ARID5B: variants seen among roughly 807,000 people sequenced by gnomAD.
ARID5B encodes the protein AT-rich interaction domain 5B.
ARID5B carries 13 observed loss-of-function variants against 97.2 expected under a neutral mutation model. The ratio of observed to expected loss-of-function variants is 0.13; its 90% CI spans 0.09 to 0.21. The LOEUF (loss-of-function observed/expected upper bound fraction) is 0.21, where lower values mean the gene tolerates loss of function less well. ARID5B is among the 10% of genes least tolerant of loss of function. The pLI, the probability that ARID5B is intolerant of heterozygous loss-of-function variation, is 1.00. For missense variants in ARID5B, 1,210 were observed against 1,465.3 expected, an observed-to-expected ratio of 0.83 and a Z score of 2.84; for synonymous variants, 556 against 570.3, an observed-to-expected ratio of 0.97 and a Z score of 0.36.
At chr10:61,933,412 A>G (rs1207852541) in intron 2 of ARID5B, among the ~76,000 whole-genome samples, 3 of 152,226 alleles carry the variant, frequency 2.0e-5, no homozygotes. Context: ...ACTTAATGGC[A>G]TCTAGAATAG....
chr10:62,057,538 T>A (rs1386240423), intron 6 of ARID5B, among the ~76,000 whole-genome samples: 1 of 152,188 alleles, frequency 6.6e-6, no homozygotes, highest in African/African-American at 2.4e-5. Flanking sequence ...ATTTATAGGC[T>A]TGAATCCACT....
At chr10:61,952,475 T>G (rs1440486496) in intron 3 of ARID5B, among the ~76,000 whole-genome samples, 1 of 152,238 alleles carries the variant, frequency 6.6e-6, no homozygotes, top group Non-Finnish European at 1.5e-5. Flanking sequence ...CCAAAAAGTC[T>G]TAACTCTATA....
intron 7 of ARID5B, among the ~76,000 whole-genome samples, chr10:62,064,538 A>T (rs1325606835): frequency 6.6e-6 from 1 of 152,208 alleles, no homozygotes; most frequent in Non-Finnish European, 1.5e-5. Flanking sequence ...CCTCAAAGAT[A>T]GAGAAATCAA....
chr10:61,924,486 A>C (rs1564603042), intron 2 of ARID5B, among the ~76,000 whole-genome samples: 1 of 152,248 alleles, frequency 6.6e-6, no homozygotes, highest in Non-Finnish European at 1.5e-5. Context: ...AAGTAATCCA[A>C]TATAGGATAA....
At chr10:61,914,735 A>T (rs979135084) in intron 2 of ARID5B, among the ~76,000 whole-genome samples, 1 of 152,244 alleles carries the variant, frequency 6.6e-6, no homozygotes, top group Non-Finnish European at 1.5e-5. Flanking sequence ...ATTAACATAT[A>T]AATTAAATAT....
In ARID5B at chr10:62,057,173, A is replaced by T. The variant is rs1839867980; in HGVS notation, c.903A>T (p.Lys301Asn). The T allele has an allele frequency of 1.9e-6, 3 of 1,613,864 alleles. No homozygotes were observed. The highest frequency in any genetic ancestry group is 2.5e-6 in the Non-Finnish European group (3 of 1,179,804). The part of the protein sequence containing the change: ...LTKPKNNHNC[K>N]KVSNEEKPKV... Reference sequence around the variant, plus strand: ...AGCCGAAGAATAACCATAACTGTAAAAAAGTCTCAAATGAAGAAAAACCAA... The same window carrying T: ...AGCCGAAGAATAACCATAACTGTAATAAAGTCTCAAATGAAGAAAAACCAA... Residue 301 changes from lysine to asparagine, a missense_variant, in exon 6 of 10, where the codon AAA becomes AAT. Lys to Asn is a moderately conservative substitution (Grantham distance 94). Transcript: ENST00000279873.
chr10:62,065,289 G>A (rs1244018586), intron 7 of ARID5B, among the ~76,000 whole-genome samples: 1 of 152,098 alleles, frequency 6.6e-6, no homozygotes, highest in African/African-American at 2.4e-5. Context: ...TTGCGTTATG[G>A]TTAATTGTGT....
chr10:62,054,222 T>C (rs1035944241), intron 5 of ARID5B, among the ~76,000 whole-genome samples: 2 of 152,140 alleles, frequency 1.3e-5, no homozygotes, highest in African/African-American at 4.8e-5. Flanking sequence ...TGGGCTTTCT[T>C]AGGTCAACAT....
chr10:61,949,948 G>C (rs1236697741), intron 3 of ARID5B, among the ~76,000 whole-genome samples: 1 of 152,064 alleles, frequency 6.6e-6, no homozygotes, highest in African/African-American at 2.4e-5. Flanking sequence ...CAGTAATTCT[G>C]TTTGCATTTG....
intron 3 of ARID5B, among the ~76,000 whole-genome samples, chr10:61,973,686 G>T (rs1013431511): frequency 1.3e-5 from 2 of 152,058 alleles, no homozygotes; most frequent in African/African-American, 4.8e-5. Context: ...AAAGAGTATG[G>T]TTTACCAGCC....
At chr10:62,076,642 G>A (rs962435090) in intron 8 of ARID5B, among the ~76,000 whole-genome samples, 2 of 151,548 alleles carry the variant, frequency 1.3e-5, no homozygotes, top group Non-Finnish European at 2.9e-5. Flanking sequence ...ATCAAAGAAG[G>A]AAGAGAGAAA....
intron 2 of ARID5B, among the ~76,000 whole-genome samples, chr10:61,908,877 A>C (rs1202139407): frequency 6.6e-6 from 1 of 151,888 alleles, no homozygotes; most frequent in Non-Finnish European, 1.5e-5. Context: ...CTTTGTAGAC[A>C]GACAGTGATC....
intron 3 of ARID5B, among the ~76,000 whole-genome samples, chr10:61,944,655 G>A (rs1274425392): frequency 1.3e-5 from 2 of 152,152 alleles, no homozygotes; most frequent in Non-Finnish European, 2.9e-5. Flanking sequence ...TTGGATTGTT[G>A]TTTAAGCCAA....
chr10:62,073,161 G>A (rs985947355), intron 8 of ARID5B, among the ~76,000 whole-genome samples: 1 of 152,136 alleles, frequency 6.6e-6, no homozygotes, highest in East Asian at 1.9e-4. Context: ...CTAGGCTGCG[G>A]GTTCTTCTGT....
chr10:61,961,842 G>A lies in ARID5B; in HGVS notation c.502+21434G>A, dbSNP rs185130566. Among the ~76,000 whole-genome samples, 516 of 152,132 alleles carry A rather than the reference G, an allele frequency of 3.4e-3. 2 individuals are homozygous for A. Among genetic ancestry groups the A allele is most frequent in the African/African-American group, 0.012 (496 of 41,470 alleles). ...GGCTCACTGCAACCTCTGCCTCCCC[G>A]GTTCAAGTGATTCTCCTGCCTCAGC... On this transcript the variant is annotated intron_variant, in intron 3 of 9. Coordinates refer to ENST00000279873, the MANE Select transcript of ARID5B (RefSeq NM_032199.3).
At position 62,092,285 on chromosome 10, in the gene ARID5B, A is replaced by G. The variant is rs1840391043; in HGVS notation, c.2822A>G (p.Gln941Arg). The G allele has an allele frequency of 2.5e-6, 4 of 1,607,260 alleles. No individual in the cohort carries two copies. Among genetic ancestry groups the G allele is most frequent in the Non-Finnish European group, 3.4e-6 (4 of 1,176,878 alleles). ...PQESKGISQF[Q>R]VLGSQSRDCH... ...GAGAGCAAAGGCATCTCCCAGTTCC[A>G]GGTCTTAGGCAGCCAGAGTCGAGAC... Residue 941 changes from glutamine (Q) to arginine (R), a missense_variant, in exon 10 of 10, where the codon CAG (glutamine) becomes CGG (arginine). This residue lies in a region of ARID5B where 800 missense variants were observed against 839.1 expected (regional missense o/e 0.95). Transcript: ENST00000279873.
intron 2 of ARID5B, among the ~76,000 whole-genome samples, chr10:61,915,819 G>A (rs752110887): frequency 1.4e-4 from 21 of 152,266 alleles, no homozygotes; most frequent in Admixed American, 7.8e-4. Flanking sequence ...GCAATGGCAC[G>A]ATCTCAGCTC....
intron 3 of ARID5B, among the ~76,000 whole-genome samples, chr10:61,988,082 CAG>C (rs1209825874): frequency 3.3e-5 from 5 of 152,222 alleles, no homozygotes; most frequent in East Asian, 3.8e-4. Flanking sequence ...GGAAGTAAAA[CAG>C]AGCACATCTG....
At chr10:62,050,178 C>T (rs994368698) in intron 4 of ARID5B, among the ~76,000 whole-genome samples, 1 of 152,160 alleles carries the variant, frequency 6.6e-6, no homozygotes, top group South Asian at 2.1e-4. Context: ...ATCAGGCTAA[C>T]CCCAGTGTAA....
Sources: allele counts gnomAD v4.1 joint callset (sites outside exome capture counted in the v4.1 genomes callset), GRCh38; gene constraint gnomAD v4.1.1; regional missense constraint gnomAD v4.1.1; transcripts MANE v1.5; gene names NCBI Gene and HGNC (gene_info 2026-07-23, HGNC 2026-07-21).